KIF21A: variants seen among roughly 807,000 people sequenced by gnomAD.
KIF21A encodes the protein kinesin family member 21A.
KIF21A carries 114 observed loss-of-function variants against 202.9 expected under a neutral mutation model. The ratio of observed to expected loss-of-function variants is 0.56; its 90% confidence interval spans 0.48 to 0.66. The LOEUF (loss-of-function observed/expected upper bound fraction) is 0.66, where lower values mean the gene tolerates loss of function less well. Ranked by LOEUF, KIF21A falls within the 30% of genes least tolerant of loss-of-function variation. The pLI is 0.00. For missense variants in KIF21A, 1,677 were observed against 1,994.9 expected (o/e 0.84, Z 3.04); for synonymous variants, 667 against 670.8 (o/e 0.99, Z 0.09).
At chr12:39,429,505 A>G (rs183849328) in intron 1 of KIF21A, among the ~76,000 whole-genome samples, 1 of 152,260 alleles carries the variant, frequency 6.6e-6, no homozygotes, top group African/African-American at 2.4e-5. Flanking sequence ...AGGGGGCCCA[A>G]GTGAAGACTA....
chr12:39,303,976 C>T (rs1943214744), intron 35 of KIF21A, among the ~76,000 whole-genome samples: 1 of 152,154 alleles, frequency 6.6e-6, no homozygotes, highest in Non-Finnish European at 1.5e-5. Context: ...AGTATACTTA[C>T]TTATTTTCAA....
At chr12:39,393,369 CCAATAGAAGG>C (rs1276257856) in intron 1 of KIF21A, among the ~76,000 whole-genome samples, 5 of 152,142 alleles carry the variant, frequency 3.3e-5, no homozygotes, top group African/African-American at 4.8e-5. Flanking sequence ...CAAATGCTAA[CCAATAGAAGG>C]CAAGAGATAA....
chr12:39,344,908 A>C (rs1435193554), intron 12 of KIF21A, among the ~76,000 whole-genome samples: 1 of 152,160 alleles, frequency 6.6e-6, no homozygotes. Context: ...TTTGACAAAC[A>C]AAAAGGGAAC....
rs1475176512 is a variant in KIF21A, at chr12:39,346,509, A to G, written c.1674-5T>C. On this transcript the variant is annotated splice_region_variant and splice_polypyrimidine_tract_variant and intron_variant, in intron 11 of 37. Transcript: ENST00000361418. Reference sequence around the variant, plus strand: ...CTTTCCTCAAGTTTCTGTAGCCTTCAAAATCACGAGGCACAGTATTGGAAG... The same window carrying G: ...CTTTCCTCAAGTTTCTGTAGCCTTCGAAATCACGAGGCACAGTATTGGAAG... The G allele has an allele frequency of 1.3e-6, 2 of 1,486,296 alleles. No individual in the cohort carries two copies. Among genetic ancestry groups the G allele is most frequent in the Non-Finnish European group, 8.9e-7 (1 of 1,121,324 alleles). The allele number at this position is 1,486,296 out of a possible 1,614,324, so 92.1% of individuals were successfully genotyped here.
chr12:39,305,024 T>C (rs759445300), intron 34 of KIF21A, 86 bp from the exon 35 acceptor site: 4 of 726,980 alleles, frequency 5.5e-6, no homozygotes, highest in Non-Finnish European at 7.3e-6. Context: ...TCTACATTCT[T>C]TCATAAAATA....
intron 13 of KIF21A, 33 bp downstream of exon 13, chr12:39,342,001 C>T: frequency 6.7e-7 from 1 of 1,488,662 alleles, no homozygotes; most frequent in Non-Finnish European, 9.4e-7. Context: ...AACCTGGTGA[C>T]TAAAACTGAC....
rs1184389614 is a variant in KIF21A, at chr12:39,309,570, T to C, written c.4277+16A>G. The C allele has an allele frequency of 6.3e-7, 1 of 1,587,078 alleles. No homozygotes were observed. Among genetic ancestry groups the C allele is most frequent in the Non-Finnish European group, 8.6e-7 (1 of 1,160,790 alleles). ...AGCTATTCCTCCTTTATGCTATATG[T>C]CTTCAAGTTACTTACGTTAGTGTTC... On this transcript the variant is annotated intron_variant, in intron 33 of 37. Coordinates refer to ENST00000361418, the MANE Select transcript of KIF21A (RefSeq NM_001173464.2).
chr12:39,320,932 CAAAAAAAAAAAAA>C (rs59613512), intron 27 of KIF21A, among the ~76,000 whole-genome samples: 14 of 16,142 alleles, frequency 8.7e-4, no homozygotes, highest in South Asian at 2.3e-3. Flanking sequence ...AAGACTCTGC[CAAAAAAAAAAAAA>C]AAAAAAAAAA....
At chr12:39,334,439 T>A (rs1946786834) in intron 17 of KIF21A, among the ~76,000 whole-genome samples, 1 of 152,150 alleles carries the variant, frequency 6.6e-6, no homozygotes, top group Non-Finnish European at 1.5e-5. Context: ...TTATGTATAT[T>A]TCTGTCTCAT....
chr12:39,327,688 C>G (rs1451840508), intron 24 of KIF21A, among the ~76,000 whole-genome samples: 1 of 152,104 alleles, frequency 6.6e-6, no homozygotes, highest in Non-Finnish European at 1.5e-5. Flanking sequence ...TGGCCAGAGC[C>G]CAGAGGATCT....
chr12:39,413,097 T>A (rs1452742298), intron 1 of KIF21A, among the ~76,000 whole-genome samples: 3 of 152,186 alleles, frequency 2.0e-5, no homozygotes, highest in African/African-American at 4.8e-5. Flanking sequence ...ATATAGCAAA[T>A]CTTTTAGGAA....
At chr12:39,437,872 T>C (rs1592754784) in intron 1 of KIF21A, among the ~76,000 whole-genome samples, 1 of 152,206 alleles carries the variant, frequency 6.6e-6, no homozygotes, top group Admixed American at 6.5e-5. Context: ...AAATAAATGT[T>C]TCTCAGAGGT....
intron 32 of KIF21A, among the ~76,000 whole-genome samples, chr12:39,310,113 T>A (rs1943881902): frequency 6.6e-6 from 1 of 152,124 alleles, no homozygotes; most frequent in Non-Finnish European, 1.5e-5. Flanking sequence ...AACATTCTTC[T>A]CTGATCATAT....
At chr12:39,345,955 A>G (rs1947851415) in intron 12 of KIF21A, among the ~76,000 whole-genome samples, 1 of 151,886 alleles carries the variant, frequency 6.6e-6, no homozygotes, top group Non-Finnish European at 1.5e-5. Context: ...ATTTGTAATA[A>G]GGCCACAGTT....
chr12:39,336,375 G>T (rs951276044), intron 17 of KIF21A, among the ~76,000 whole-genome samples: 3 of 152,092 alleles, frequency 2.0e-5, no homozygotes, highest in African/African-American at 7.2e-5. Flanking sequence ...TGTATCCTTT[G>T]AATTTTCCTT....
At chr12:39,379,253 A>G (rs375825477) in intron 1 of KIF21A, among the ~76,000 whole-genome samples, 34 of 151,582 alleles carry the variant, frequency 2.2e-4, no homozygotes, top group African/African-American at 8.0e-4. Context: ...GCTTGAACAT[A>G]GGAGGCAGAG....
At chr12:39,364,595 T>C (rs1949476009) in intron 6 of KIF21A, among the ~76,000 whole-genome samples, 2 of 152,124 alleles carry the variant, frequency 1.3e-5, no homozygotes, top group Admixed American at 6.5e-5. Flanking sequence ...CATAATCATA[T>C]AGGAGTAAAT....
chr12:39,442,785 C>T lies in KIF21A; in HGVS notation c.44+142G>A. On this transcript the variant is annotated intron_variant, in intron 1 of 37. Transcript: ENST00000361418. This position sits in a 1 kb window ranked among gnomAD's most constrained non-coding sequence, Gnocchi z 5.0. ...TGCCAGGCCAGCGGGGACTCACTGC[C>T]TCAGTTTCCTCAGCCGCAGAACCCG... The T allele has an allele frequency of 9.6e-7, 1 of 1,046,426 alleles. No homozygotes were observed. Among genetic ancestry groups the T allele is most frequent in the Non-Finnish European group, 1.4e-6 (1 of 723,904 alleles). The allele number at this position is 1,046,426 out of a possible 1,614,324, so 64.8% of individuals were successfully genotyped here. A position where few individuals can be genotyped will look rare whatever the true frequency, so the allele number is the denominator to read the frequency against.
chr12:39,424,643 CCTTTT>C (rs766095890), intron 1 of KIF21A, among the ~76,000 whole-genome samples: 17 of 152,190 alleles, frequency 1.1e-4, no homozygotes, highest in Non-Finnish European at 2.2e-4. Context: ...TCTACTTGAT[CCTTTT>C]CTTTTCATCA....
Sources: allele counts gnomAD v4.1 joint callset (sites outside exome capture counted in the v4.1 genomes callset), GRCh38; gene constraint gnomAD v4.1.1; non-coding constraint Gnocchi (gnomAD v3.1); transcripts MANE v1.5; gene names NCBI Gene and HGNC (gene_info 2026-07-23, HGNC 2026-07-21).